EIF4G3: variants seen among roughly 807,000 people sequenced by gnomAD.
The protein encoded by EIF4G3 is eIF-4-gamma 3.
A neutral mutation model predicts 186.4 loss-of-function variants in EIF4G3; 34 were observed. The ratio of observed to expected loss-of-function variants is 0.18; its 90% CI spans 0.14 to 0.24. The LOEUF (loss-of-function observed/expected upper bound fraction) is 0.24, where lower values mean the gene tolerates loss of function less well. EIF4G3 is among the 10% of genes least tolerant of loss of function. The pLI, the probability that EIF4G3 is intolerant of heterozygous loss-of-function variation, is 1.00. For synonymous variants in EIF4G3, 673 were observed against 679.5 expected (o/e 0.99, Z 0.15); for missense variants, 1,536 against 1,948.5 (o/e 0.79, Z 3.99).
rs1392049928 is a variant in EIF4G3, at chr1:20,978,077, A to C, written c.493+2257T>G. ...TGTCTATTTCAGCATGTTCATGCTG[A>C]TTAATAATCCCATTGTTTTCTATTT... On this transcript the variant is annotated intron_variant, in intron 10 of 36. Coordinates refer to ENST00000602326, the MANE Select transcript of EIF4G3 (RefSeq NM_001391906.1). Among the ~76,000 whole-genome samples, 9 of 152,204 alleles carry C rather than the reference A, an allele frequency of 5.9e-5. No individual in the cohort carries two copies. In the East Asian group the frequency reaches 1.7e-3, roughly 29 times the overall value.
intron 9 of EIF4G3, 65 bp from the exon 10 acceptor site, chr1:20,980,513 A>C: frequency 9.1e-7 from 1 of 1,101,694 alleles, no homozygotes; most frequent in South Asian, 1.7e-5. Flanking sequence ...AACATAATAA[A>C]ATAATAAGAA....
intron 2 of EIF4G3, among the ~76,000 whole-genome samples, chr1:21,098,561 AAAGAAG>A (rs1262164753): frequency 1.1e-4 from 8 of 72,584 alleles, no homozygotes; most frequent in African/African-American, 2.5e-4. Flanking sequence ...AAAAAAAAAA[AAAGAAG>A]AAGAAGAAGA....
intron 3 of EIF4G3, 146 bp downstream of exon 3, chr1:21,088,992 A>T (rs1046982630): frequency 3.4e-6 from 2 of 597,002 alleles, no homozygotes; most frequent in African/African-American, 3.8e-5. Flanking sequence ...GATGATATGG[A>T]AAGGGCCTAT....
chr1:21,007,515 T>TAAAA lies in EIF4G3; in HGVS notation c.-66-4711_-66-4708dup, dbSNP rs368328382. ...AATATATTCACAATGGGCCCCTCCTTAAAAAAAAAAAAAAAAAAAAAACAC... is the reference window on the plus strand; with the variant it reads ...AATATATTCACAATGGGCCCCTCCTTAAAAAAAAAAAAAAAAAAAAAAAAAACAC... On this transcript the variant is annotated intron_variant, in intron 4 of 36. Transcript: ENST00000602326. Among the ~76,000 whole-genome samples the TAAAA allele has an allele frequency of 1.3e-3, 20 of 14,864 alleles. 1 individual carries two copies. The highest frequency in any genetic ancestry group is 2.1e-3 in the African/African-American group (16 of 7,676). The allele number at this position is 14,864 out of a possible 152,430, so 9.8% of individuals were successfully genotyped here.
At chr1:21,171,292 G>A (rs2097961780) in intron 2 of EIF4G3, among the ~76,000 whole-genome samples, 1 of 152,186 alleles carries the variant, frequency 6.6e-6, no homozygotes, top group Non-Finnish European at 1.5e-5. Context: ...AATAGATTGT[G>A]TCTCACCACA....
chr1:20,864,725 G>T lies in EIF4G3; in HGVS notation c.2770-13C>A, dbSNP rs1439630584. On this transcript the variant is annotated splice_polypyrimidine_tract_variant and intron_variant, in intron 21 of 36. Coordinates refer to ENST00000602326, the MANE Select transcript of EIF4G3 (RefSeq NM_001391906.1). ...TCCTCTCCTCTGGCTGTTGTGTAAG[G>T]AGGAATAATAGCATCTTGATGATGA... 6.3e-7 allele frequency: 1 copy of T among 1,599,128 alleles called. No homozygotes were observed. The highest frequency in any genetic ancestry group is 8.6e-7 in the Non-Finnish European group (1 of 1,167,118).
intron 14 of EIF4G3, chr1:20,941,180 C>G: frequency 6.8e-7 from 1 of 1,472,806 alleles, no homozygotes; most frequent in African/African-American, 1.4e-5. Context: ...CAAAATTAAG[C>G]ATTGAGAAAC....
chr1:20,807,320 T>C lies in EIF4G3; in HGVS notation c.4925A>G (p.Ter1642=). The C allele has an allele frequency of 1.3e-6, 2 of 1,568,576 alleles. No individual in the cohort carries two copies. The highest frequency in any genetic ancestry group is 8.7e-7 in the Non-Finnish European group (1 of 1,155,906). Residue 1642 remains the stop codon, a stop_retained_variant, in exon 37 of 37, where the codon TAA becomes TGA. Coordinates refer to ENST00000602326, the MANE Select transcript of EIF4G3 (RefSeq NM_001391906.1). ...GTTTCATTTTGTGTATTTGAAGTTT[T>C]AGTTATCCTCAGACTCCTCTTCTGC... ...REAEEESEDN[*] is the part of the protein sequence containing the mutation.
intron 2 of EIF4G3, among the ~76,000 whole-genome samples, chr1:21,102,855 A>T (rs1020427192): frequency 4.6e-5 from 7 of 152,180 alleles, no homozygotes; most frequent in Non-Finnish European, 8.8e-5. Flanking sequence ...TTAAAATAAC[A>T]AATGTCAAGA....
At chr1:20,888,309 T>C (rs952355610) in intron 18 of EIF4G3, among the ~76,000 whole-genome samples, 4 of 152,162 alleles carry the variant, frequency 2.6e-5, no homozygotes, top group Non-Finnish European at 5.9e-5. Flanking sequence ...AAATTGTTAG[T>C]CCAGGATAAA....
chr1:20,976,448 A>G (rs1264848554), intron 10 of EIF4G3, among the ~76,000 whole-genome samples: 1 of 152,042 alleles, frequency 6.6e-6, no homozygotes, highest in Non-Finnish European at 1.5e-5. Context: ...CTGGCAGTAA[A>G]CGGCAGTTTT....
intron 35 of EIF4G3, 144 bp from the exon 36 acceptor site, chr1:20,811,028 C>A: frequency 1.4e-6 from 1 of 709,290 alleles, no homozygotes; most frequent in South Asian, 2.3e-5. Context: ...AAGCTCACTG[C>A]AACCTCCGTC....
intron 2 of EIF4G3, among the ~76,000 whole-genome samples, chr1:21,130,781 T>C (rs2097138295): frequency 6.6e-6 from 1 of 152,110 alleles, no homozygotes; most frequent in Admixed American, 6.5e-5. Flanking sequence ...ATGATTAGTA[T>C]GTTAAAGGAC....
intron 12 of EIF4G3, among the ~76,000 whole-genome samples, chr1:20,965,374 T>G (rs2074391620): frequency 6.6e-6 from 1 of 152,196 alleles, no homozygotes; most frequent in Non-Finnish European, 1.5e-5. Flanking sequence ...TGGAGAAAAC[T>G]TGCATCCCCA....
chr1:20,926,675 G>GAAAAAAAAAA (rs1186538611), intron 14 of EIF4G3, among the ~76,000 whole-genome samples: 1 of 66,922 alleles, frequency 1.5e-5, no homozygotes. Context: ...TCAGAAAAAA[G>GAAAAAAAAAA]AAAAGAAAAA....
intron 6 of EIF4G3, among the ~76,000 whole-genome samples, chr1:21,000,376 G>A (rs183734490): frequency 1.2e-3 from 177 of 152,122 alleles, no homozygotes; most frequent in Non-Finnish European, 1.9e-3. Context: ...CTAAAACTGC[G>A]CAATTGCCAA....
chr1:20,910,226 T>C (rs1285962747), intron 14 of EIF4G3, among the ~76,000 whole-genome samples: 1 of 152,152 alleles, frequency 6.6e-6, no homozygotes, highest in East Asian at 1.9e-4. Flanking sequence ...TGAAGAACTA[T>C]AAAAGAGCTA....
At chr1:21,140,985 CAT>C (rs906921121) in intron 2 of EIF4G3, among the ~76,000 whole-genome samples, 3 of 152,110 alleles carry the variant, frequency 2.0e-5, no homozygotes, top group Non-Finnish European at 4.4e-5. Context: ...AAATCCGTAA[CAT>C]ATATATTTTT....
intron 20 of EIF4G3, among the ~76,000 whole-genome samples, chr1:20,866,369 T>C (rs566282554): frequency 6.6e-6 from 1 of 152,298 alleles, no homozygotes; most frequent in South Asian, 2.1e-4. Context: ...TGAAAGATCA[T>C]TTAACAGATC....
Sources: gnomAD v4.1 joint callset for allele counts (sites outside exome capture counted in the v4.1 genomes callset) on GRCh38, gnomAD v4.1.1 for gene constraint, MANE v1.5 for transcripts, NCBI Gene and HGNC (gene_info 2026-07-23, HGNC 2026-07-21) for gene names.